Variants in BAHCC1 observed in about 807,000 individuals in gnomAD.
BAHCC1 encodes BAH and coiled-coil domain-containing protein 1.
A neutral mutation model predicts 88.2 loss-of-function variants in BAHCC1; 43 were observed. The observed-to-expected ratio is 0.49, with a 90% CI of 0.38 to 0.63. The LOEUF (loss-of-function observed/expected upper bound fraction) is 0.63. Ranked by LOEUF, BAHCC1 falls within the 20% of genes least tolerant of loss-of-function variation. The pLI is 0.00. For missense variants in BAHCC1, 3,023 were observed against 1,654.8 expected, an observed-to-expected ratio of 1.83 and a Z score of -14.34; for synonymous variants, 1,510 against 745.5, an observed-to-expected ratio of 2.03 and a Z score of -16.71.
chr17:81,417,974 A>G (rs781970145), intron 2 of BAHCC1, among the ~76,000 whole-genome samples: 1 of 150,736 alleles, frequency 6.6e-6, no homozygotes, highest in Non-Finnish European at 1.5e-5. Flanking sequence ...TTTCTCTGTT[A>G]CTCCTTTCTC....
intron 2 of BAHCC1, among the ~76,000 whole-genome samples, chr17:81,425,451 G>A (rs2064174169): frequency 1.1e-5 from 1 of 92,932 alleles, no homozygotes; most frequent in Non-Finnish European, 2.1e-5. Context: ...GTGGTTGGGG[G>A]TGATAGTGGT....
At chr17:81,406,248 G>C (rs1319215441) in intron 2 of BAHCC1, among the ~76,000 whole-genome samples, 1 of 152,076 alleles carries the variant, frequency 6.6e-6, no homozygotes, top group African/African-American at 2.4e-5. Context: ...CAGCCTCCTT[G>C]AGGGGAGATG....
intron 2 of BAHCC1, among the ~76,000 whole-genome samples, chr17:81,422,383 A>G (rs782624123): frequency 2.0e-5 from 3 of 152,242 alleles, no homozygotes; most frequent in Non-Finnish European, 2.9e-5. Context: ...ACAAGGAGAC[A>G]GCAATCCAGG....
chr17:81,430,076 G>T (rs1056376197), intron 3 of BAHCC1, among the ~76,000 whole-genome samples: 4 of 152,138 alleles, frequency 2.6e-5, no homozygotes, highest in Non-Finnish European at 5.9e-5. Flanking sequence ...GGGGCTTGGG[G>T]TGGGGGCGGG....
intron 10 of BAHCC1, chr17:81,446,670 T>G (rs2064533880): frequency 2.5e-6 from 1 of 396,000 alleles, no homozygotes; most frequent in Non-Finnish European, 5.2e-6. Flanking sequence ...CACCTCAGCC[T>G]CCTGTGTAGC....
intron 2 of BAHCC1, among the ~76,000 whole-genome samples, chr17:81,422,197 A>G (rs1368143794): frequency 3.9e-5 from 6 of 152,074 alleles, no homozygotes; most frequent in Non-Finnish European, 8.8e-5. Flanking sequence ...TTTTTAGTAG[A>G]GACAGGGTTT....
chr17:81,412,923 C>G (rs757498646), intron 2 of BAHCC1, among the ~76,000 whole-genome samples: 2 of 152,176 alleles, frequency 1.3e-5, no homozygotes, highest in African/African-American at 2.4e-5. Context: ...GGAGTGTTGC[C>G]GGCTGCTGGC....
intron 11 of BAHCC1, among the ~76,000 whole-genome samples, chr17:81,449,532 C>T (rs2064594569): frequency 6.6e-6 from 1 of 152,166 alleles, no homozygotes; most frequent in Non-Finnish European, 1.5e-5. Context: ...CACGTGGGAG[C>T]CACACGCCTG....
chr17:81,436,195 T>TG (rs1321184232), intron 3 of BAHCC1, among the ~76,000 whole-genome samples: 1 of 152,046 alleles, frequency 6.6e-6, no homozygotes, highest in Admixed American at 6.5e-5. Context: ...CAGGCAAGGA[T>TG]GGGGGCACCA....
chr17:81,443,842 A>T lies in BAHCC1; in HGVS notation c.2249A>T (p.Asp750Val). The T allele has an allele frequency of 1.4e-6, 1 of 713,864 alleles. No individual in the cohort carries two copies. Among genetic ancestry groups the T allele is most frequent in the Non-Finnish European group, 2.6e-6 (1 of 384,836 alleles). The allele number at this position is 713,864 out of a possible 1,614,324, so 44.2% of individuals were successfully genotyped here. ...GGGCCCCGTTCCACACACGCGCTGGACCTGGAGGCTGAGGAGGAGAGGACG... is the reference window on the plus strand; with the variant it reads ...GGGCCCCGTTCCACACACGCGCTGGTCCTGGAGGCTGAGGAGGAGAGGACG... ...GGGPRSTHAL[D>V]LEAEEERTRL... is the part of the protein sequence containing the mutation. The change falls in exon 6 of 28, where the codon GAC becomes GTC. Residue 750 changes from aspartate (D) to valine (V), a missense_variant. By Grantham distance (152) the Asp-to-Val change is radical. Transcript: ENST00000675386.
intron 2 of BAHCC1, among the ~76,000 whole-genome samples, chr17:81,414,190 C>T (rs1376464937): frequency 2.0e-5 from 3 of 152,208 alleles, no homozygotes; most frequent in Non-Finnish European, 2.9e-5. Context: ...GGCAGCAGAG[C>T]GGCTCCTCCC....
chr17:81,414,367 G>A (rs781883619), intron 2 of BAHCC1, among the ~76,000 whole-genome samples: 17 of 152,352 alleles, frequency 1.1e-4, no homozygotes, highest in Middle Eastern at 3.4e-3. Flanking sequence ...GCATGCAGGC[G>A]GCCAGCATCA....
At position 81,462,949 on chromosome 17, in the gene BAHCC1, G is replaced by C; in HGVS notation, c.7593G>C (p.Lys2531Asn). Residue 2531 changes from lysine (K) to asparagine (N), a missense_variant, in exon 27 of 28, where the codon AAG (lysine) becomes AAC (asparagine). Lys to Asn is a moderately conservative substitution (Grantham distance 94). Transcript: ENST00000675386. ...GGTTCTACCACCCTGAGGAGACCAA[G>C]CTGGGCAAGAGGCAGTGCGACGGCA... ...VKWFYHPEET[K>N]LGKRQCDGKN... 1 of 781,656 alleles carries C rather than the reference G, an allele frequency of 1.3e-6. No homozygotes were observed. The allele number at this position is 781,656 out of a possible 1,614,324, so 48.4% of individuals were successfully genotyped here. A position where few individuals can be genotyped will look rare whatever the true frequency, so the allele number is the denominator to read the frequency against.
chr17:81,421,546 G>T lies in BAHCC1; in HGVS notation c.179-5254G>T, dbSNP rs953787161. Among the ~76,000 whole-genome samples, 8 of 152,204 alleles carry T rather than the reference G, an allele frequency of 5.3e-5. 1 individual carries two copies. The highest frequency in any genetic ancestry group is 3.3e-4 in the Admixed American group (5 of 15,292). ...CCCCACACTCGCAGGGGTCACCACA[G>T]TAGTGACCACCTGGCAGGGCCTGCA... On this transcript the variant is annotated intron_variant, in intron 2 of 27. Transcript: ENST00000675386.
intron 2 of BAHCC1, among the ~76,000 whole-genome samples, chr17:81,416,043 T>C (rs1296516903): frequency 1.3e-5 from 2 of 148,854 alleles, no homozygotes; most frequent in African/African-American, 5.1e-5. Context: ...TGTATGCGCA[T>C]GTGTGCGTGT....
Position 81,413,831 on chromosome 17 carries a change from G to C in BAHCC1, c.179-12969G>C, listed in dbSNP as rs2063986120. On this transcript the variant is annotated intron_variant, in intron 2 of 27. Coordinates refer to ENST00000675386, the MANE Select transcript of BAHCC1 (RefSeq NM_001377448.1). ...GTGTCCTTCTCTGGATGGGGCGCAG[G>C]GCTCGCTATGGGGTGCTGGGGCGGC... is the stretch of plus-strand genomic sequence containing the variant. Among the ~76,000 whole-genome samples, 3 of 152,234 alleles carry C rather than the reference G, an allele frequency of 2.0e-5. No individual in the cohort carries two copies. In the South Asian group the frequency reaches 6.2e-4, roughly 32 times the overall value.
chr17:81,457,351 C>G (rs2064768060), intron 16 of BAHCC1, 59 bp from the exon 17 acceptor site: 3 of 718,196 alleles, frequency 4.2e-6, no homozygotes, highest in Non-Finnish European at 7.7e-6. Context: ...TCACCTCCCC[C>G]ACCTCTCAAT....
At position 81,435,056 on chromosome 17, in the gene BAHCC1, C is replaced by T. The variant is rs369755562; in HGVS notation, c.359-3314C>T. Among the ~76,000 whole-genome samples the T allele has an allele frequency of 1.1e-3, 174 of 152,126 alleles. No individual in the cohort carries two copies. The highest frequency in any genetic ancestry group is 6.8e-3 in the Middle Eastern group (2 of 294). ...CGTCCCCAGCCCCCATTTCTCTGCA[C>T]GGTGCCCTCCCACTCCTCTGTCCTT... On this transcript the variant is annotated intron_variant, in intron 3 of 27. Transcript: ENST00000675386. This position sits in a 1 kb window ranked among gnomAD's most constrained non-coding sequence, Gnocchi z 4.4.
intron 2 of BAHCC1, among the ~76,000 whole-genome samples, chr17:81,412,144 G>A (rs1598457719): frequency 6.6e-6 from 1 of 152,134 alleles, no homozygotes; most frequent in African/African-American, 2.4e-5. Flanking sequence ...AGGATCCTCC[G>A]GATCTCCGTA....
Sources: gnomAD v4.1 joint callset for allele counts (sites outside exome capture counted in the v4.1 genomes callset) on GRCh38, gnomAD v4.1.1 for gene constraint, Gnocchi (gnomAD v3.1) non-coding constraint, MANE v1.5 for transcripts, NCBI Gene and HGNC (gene_info 2026-07-23, HGNC 2026-07-21) for gene names.